The following NLRC3 variants were observed in gnomAD, a reference collection of about 807,000 sequenced individuals.
NLRC3 encodes NLR family CARD domain containing 3, also known as NLR family CARD domain-containing protein 3.
Under a neutral mutation model 91.6 loss-of-function variants are expected in NLRC3, and 87 were observed. That is an observed-to-expected ratio of 0.95 (90% CI 0.80 to 1.14). The LOEUF (loss-of-function observed/expected upper bound fraction) is 1.14, where lower values mean the gene tolerates loss of function less well. Ranked by LOEUF, NLRC3 falls within the 50% of genes most tolerant of loss-of-function variation. The probability of loss-of-function intolerance (pLI) is 0.00; values close to 1 mark genes in which losing one functional copy is unlikely to be tolerated. For synonymous variants in NLRC3, 694 were observed against 625.3 expected, an observed-to-expected ratio of 1.11 and a Z score of -1.64; for missense variants, 1,577 against 1,418.6, an observed-to-expected ratio of 1.11 and a Z score of -1.79.
intron 15 of NLRC3, among the ~76,000 whole-genome samples, chr16:3,546,024 G>A (rs1196633898): frequency 6.6e-6 from 1 of 152,150 alleles, no homozygotes; most frequent in Non-Finnish European, 1.5e-5. Context: ...GGCCTGGGCA[G>A]GGGCAGTGGA....
chr16:3,566,524 A>G (rs1035370688), intron 2 of NLRC3, among the ~76,000 whole-genome samples: 5 of 152,106 alleles, frequency 3.3e-5, no homozygotes, highest in Non-Finnish European at 5.9e-5. Flanking sequence ...TCAGGAGTTC[A>G]AGACCAGCCT....
intron 6 of NLRC3, among the ~76,000 whole-genome samples, chr16:3,559,854 G>A (rs980546160): frequency 1.1e-4 from 16 of 151,732 alleles, no homozygotes; most frequent in Admixed American, 5.9e-4. Flanking sequence ...GTTTGACCAG[G>A]CTGGTCTCGA....
Position 3,549,656 on chromosome 16 carries a change from T to TTC in NLRC3, c.2519+40_2519+41insGA, listed in dbSNP as rs1405852676. On this transcript the variant is annotated intron_variant, in intron 12 of 19. Transcript: ENST00000359128. ...CAAGTCCCTGCAGACAGGTGCCTCGTCAAAGAAACGCCCTGTTTGGAGAGG... is the reference window on the plus strand; with the variant it reads ...CAAGTCCCTGCAGACAGGTGCCTCGTTCCAAAGAAACGCCCTGTTTGGAGAGG... 7 of 1,447,918 alleles carry TTC rather than the reference T, an allele frequency of 4.8e-6. No individual in the cohort carries two copies. In the Admixed American group the frequency reaches 1.4e-4, roughly 29 times the overall value. 89.7% of individuals were successfully genotyped at this position (1,447,918 alleles called of 1,614,324 possible). A position where few individuals can be genotyped will look rare whatever the true frequency, so the allele number is the denominator to read the frequency against.
At chr16:3,559,952 T>C (rs2039531703) in intron 6 of NLRC3, among the ~76,000 whole-genome samples, 1 of 152,148 alleles carries the variant, frequency 6.6e-6, no homozygotes, top group Non-Finnish European at 1.5e-5. Context: ...CTAGATATCC[T>C]TTTAAGCCCA....
At chr16:3,545,799 A>T (rs1176650541) in intron 15 of NLRC3, 1 of 152,238 alleles carries the variant, frequency 6.6e-6, no homozygotes, top group Admixed American at 6.5e-5. Flanking sequence ...GGGAAGTGAG[A>T]AATGAGTCCA....
At chr16:3,542,566 G>A (rs1224771002) in intron 18 of NLRC3, 126 bp downstream of exon 18, 2 of 661,126 alleles carry the variant, frequency 3.0e-6, no homozygotes, top group African/African-American at 1.8e-5. Context: ...ACTATAATAA[G>A]TCTGATTGTT....
chr16:3,567,111 C>G (rs952852766), intron 2 of NLRC3, 132 bp downstream of exon 2: 1 of 152,172 alleles, frequency 6.6e-6, no homozygotes, highest in Non-Finnish European at 1.5e-5. Context: ...AGAGGCAAAG[C>G]CAAGGCCCCC....
chr16:3,571,674 G>A (rs1321520419), intron 1 of NLRC3, among the ~76,000 whole-genome samples: 2 of 151,872 alleles, frequency 1.3e-5, no homozygotes, highest in African/African-American at 4.8e-5. Flanking sequence ...AGGCGTGGTG[G>A]CTCACGCCTG....
rs184077457 is a variant in NLRC3 at position 3,571,658 on chromosome 16, T to C, written c.-168-4334A>G. On this transcript the variant is annotated intron_variant, in intron 1 of 19. Transcript: ENST00000359128. ...AGTTTGATATTAAATAATTAAAATA[T>C]TTGCCAGGCGTGGTGGCTCACGCCT... 2.0e-5 allele frequency among the ~76,000 whole-genome samples: 3 copies of C among 151,750 alleles called. No homozygotes were observed. In the South Asian group the frequency reaches 6.2e-4, roughly 31 times the overall value.
chr16:3,556,318 C>CAAAAAAAAAAAAAAAAAAAA (rs199528753), intron 8 of NLRC3, among the ~76,000 whole-genome samples: 1 of 38,736 alleles, frequency 2.6e-5, no homozygotes, highest in Non-Finnish European at 5.1e-5. Flanking sequence ...GAATCCGTCT[C>CAAAAAAAAAAAAAAAAAAAA]AAAAAAAAAA....
chr16:3,577,375 C>G lies in NLRC3; in HGVS notation c.-395G>C. The G allele has an allele frequency of 1.7e-6, 1 of 576,988 alleles. No individual in the cohort carries two copies. 35.7% of individuals were successfully genotyped at this position (576,988 alleles called of 1,614,324 possible). A position where few individuals can be genotyped will look rare whatever the true frequency, so the allele number is the denominator to read the frequency against. On this transcript the variant is annotated 5_prime_UTR_variant, in exon 1 of 20. Transcript: ENST00000359128. ...GCAGCCCCGACCTTCTGCAGCCCCA[C>G]CGAGCCCACCGGCTGTCCCTGTGGC...
intron 1 of NLRC3, among the ~76,000 whole-genome samples, chr16:3,576,787 C>G (rs1375829196): frequency 3.5e-4 from 53 of 152,212 alleles, no homozygotes; most frequent in Non-Finnish European, 6.0e-4. Context: ...CTCAGCCTCC[C>G]GACTAGCTGG....
In NLRC3 at chr16:3,563,491, G is replaced by A. The variant is rs546437382; in HGVS notation, c.1446C>T (p.Ser482=). 2.6e-5 allele frequency: 41 copies of A among 1,593,726 alleles called. No homozygotes were observed. Among genetic ancestry groups the A allele is most frequent in the East Asian group, 9.2e-5 (4 of 43,704 alleles). ...AGCCCAGCCTGGGCCAGGATACGCC[G>A]CTCTCAGTGAAGAGGTCGAAGATGG... is the stretch of plus-strand genomic sequence containing the variant. ...RRAIFDLFTE[S]GVSWPRLGFL... The change falls in exon 5 of 20, where the codon AGC becomes AGT. Residue 482 remains serine (S), a synonymous_variant. Transcript: ENST00000359128.
intron 19 of NLRC3, 94 bp from the exon 20 acceptor site, chr16:3,542,009 C>A: frequency 1.2e-6 from 1 of 843,416 alleles, no homozygotes; most frequent in Non-Finnish European, 2.0e-6. Flanking sequence ...CCATGCAAAG[C>A]CTTTGTGCTT....
At chr16:3,548,239 G>A (rs1596444012) in intron 14 of NLRC3, 21 bp from the exon 15 acceptor site, 1 of 1,475,872 alleles carries the variant, frequency 6.8e-7, no homozygotes, top group African/African-American at 1.4e-5. Flanking sequence ...ACAGACACAT[G>A]TGACTATGTG....
At chr16:3,559,577 G>A (rs1208001982) in intron 6 of NLRC3, among the ~76,000 whole-genome samples, 2 of 151,884 alleles carry the variant, frequency 1.3e-5, no homozygotes, top group East Asian at 1.9e-4. Flanking sequence ...AAATGCAGGA[G>A]GCGCTCACAG....
At chr16:3,573,694 A>G (rs77686332) in intron 1 of NLRC3, among the ~76,000 whole-genome samples, 12,896 of 152,256 alleles carry the variant, frequency 0.085, 623 homozygotes, top group African/African-American at 0.13. Context: ...CAGCTCTGGT[A>G]GGGCATCATT....
At position 3,541,775 on chromosome 16, in the gene NLRC3, A is replaced by G; in HGVS notation, c.*50T>C. On this transcript the variant is annotated 3_prime_UTR_variant, in exon 20 of 20. Transcript: ENST00000359128. Reference sequence around the variant, plus strand: ...CCCCCAGAAGTCGGCCTTTCTGTTCAAAAGCTTCCAGCTGAGCATCTGCCC... The same window carrying G: ...CCCCCAGAAGTCGGCCTTTCTGTTCGAAAGCTTCCAGCTGAGCATCTGCCC... 3 of 1,330,326 alleles carry G rather than the reference A, an allele frequency of 2.3e-6. No individual in the cohort carries two copies. Among genetic ancestry groups the G allele is most frequent in the Admixed American group, 3.7e-5 (2 of 53,816 alleles). The allele number at this position is 1,330,326 out of a possible 1,614,324, so 82.4% of individuals were successfully genotyped here. A position where few individuals can be genotyped will look rare whatever the true frequency, so the allele number is the denominator to read the frequency against.
At chr16:3,562,100 T>C (rs915571466) in intron 5 of NLRC3, among the ~76,000 whole-genome samples, 4 of 152,128 alleles carry the variant, frequency 2.6e-5, no homozygotes, top group Admixed American at 1.3e-4. Context: ...CTCACTAAGG[T>C]CCAGAGTGGC....
Sources: gnomAD v4.1 joint callset for allele counts (sites outside exome capture counted in the v4.1 genomes callset) on GRCh38, gnomAD v4.1.1 for gene constraint, MANE v1.5 for transcripts, NCBI Gene and HGNC (gene_info 2026-07-23, HGNC 2026-07-21) for gene names.